Variants in BRCA1 observed in about 807,000 individuals in gnomAD.
BRCA1 encodes the protein BRCA1 DNA repair associated, also known as breast cancer type 1 susceptibility protein.
BRCA1 carries 140 observed loss-of-function variants against 173.7 expected under a neutral mutation model. The ratio of observed to expected loss-of-function variants is 0.81; its 90% CI spans 0.70 to 0.93. The LOEUF is 0.93. BRCA1 is among the 40% of genes least tolerant of loss of function. The pLI, the probability that BRCA1 is intolerant of heterozygous loss-of-function variation, is 0.00. For missense variants in BRCA1, 1,983 were observed against 2,172.5 expected (o/e 0.91, Z 1.73); for synonymous variants, 662 against 756.0 (o/e 0.88, Z 2.04).
chr17:43,161,452 T>G (rs1246357979), intron 1 of BRCA1: 1 of 152,124 alleles, frequency 6.6e-6, no homozygotes, highest in East Asian at 1.9e-4. Flanking sequence ...TTATGGACAG[T>G]AGGAAGAAAG....
Position 43,049,234 on chromosome 17 carries a change from T to G in BRCA1, c.5333-40A>C, listed in dbSNP as rs369978584. On this transcript the variant is annotated intron_variant, in intron 20 of 22. Transcript: ENST00000357654. ...TAGATGTAAAATCACTGCAGTAATC[T>G]GCATACTTAACCCAGGCCCTCTACC... is the stretch of plus-strand genomic sequence containing the variant. The G allele has an allele frequency of 4.4e-6, 7 of 1,585,600 alleles. No individual in the cohort carries two copies. Among genetic ancestry groups the G allele is most frequent in the Non-Finnish European group, 5.2e-6 (6 of 1,154,432 alleles).
chr17:43,098,714 G>C (rs2054240690), intron 7 of BRCA1, among the ~76,000 whole-genome samples: 2 of 151,218 alleles, frequency 1.3e-5, no homozygotes, highest in Admixed American at 1.3e-4. Context: ...CCCTATGTTG[G>C]CCAGGCTGGT....
rs397509284 is a variant in BRCA1, at chr17:43,047,665, C to A, written c.5445G>T (p.Trp1815Cys). ...TACCATGGAAGCCATTGTCCTCTGT[C>A]CAGGCATCTGGCTGCACAACCACAA... ...HPIVVVQPDA[W>C]TEDNGFHAIG... is the part of the protein sequence containing the mutation. The change falls in exon 22 of 23, where the codon TGG becomes TGT. Residue 1815 changes from tryptophan to cysteine, a missense_variant. Coordinates refer to ENST00000357654, the MANE Select transcript of BRCA1 (RefSeq NM_007294.4). The A allele has an allele frequency of 6.2e-7, 1 of 1,614,190 alleles. No homozygotes were observed. The highest frequency in any genetic ancestry group is 8.5e-7 in the Non-Finnish European group (1 of 1,180,038).
intron 12 of BRCA1, among the ~76,000 whole-genome samples, chr17:43,081,847 T>C (rs1409650974): frequency 6.6e-6 from 1 of 152,214 alleles, no homozygotes; most frequent in Non-Finnish European, 1.5e-5. Context: ...AACTGTAACA[T>C]TGCTATAAAG....
chr17:43,045,257 C>T lies in BRCA1; in HGVS notation c.*421G>A. On this transcript the variant is annotated 3_prime_UTR_variant, in exon 23 of 23. Coordinates refer to ENST00000357654, the MANE Select transcript of BRCA1 (RefSeq NM_007294.4). ...TCCATTGAAGGGTCTGACTCTCTGC[C>T]TTTGTGAACACAGGGTTTTAGAGAA... 1.8e-6 allele frequency: 1 copy of T among 542,006 alleles called. No individual in the cohort carries two copies. 33.6% of individuals were successfully genotyped at this position (542,006 alleles called of 1,614,324 possible). A position where few individuals can be genotyped will look rare whatever the true frequency, so the allele number is the denominator to read the frequency against.
chr17:43,078,935 C>T, intron 12 of BRCA1, among the ~76,000 whole-genome samples: 1 of 152,218 alleles, frequency 6.6e-6, no homozygotes, highest in East Asian at 1.9e-4. Context: ...TGATGTGGCT[C>T]ACGCCTACAA....
intron 1 of BRCA1, chr17:43,131,265 G>A: frequency 7.7e-6 from 3 of 389,856 alleles, no homozygotes; most frequent in South Asian, 4.1e-5. Flanking sequence ...TGAGGAAGAT[G>A]AAGAGGTAAA....
At chr17:43,163,118 T>C (rs1406850805) in intron 1 of BRCA1, 3 of 152,252 alleles carry the variant, frequency 2.0e-5, no homozygotes, top group African/African-American at 4.8e-5. Flanking sequence ...GGCCTTTATA[T>C]TCAGGTTTTC....
Position 43,124,007 on chromosome 17 carries a change from G to T in BRCA1, c.80+10C>A. On this transcript the variant is annotated intron_variant, in intron 2 of 22. Transcript: ENST00000357654. ...GAATCCCAAATTAATACACTCTTGTGCTGACTTACCAGATGGGACACTCTA... is the reference window on the plus strand; with the variant it reads ...GAATCCCAAATTAATACACTCTTGTTCTGACTTACCAGATGGGACACTCTA... 1 of 1,601,816 alleles carries T rather than the reference G, an allele frequency of 6.2e-7. No homozygotes were observed. Among genetic ancestry groups the T allele is most frequent in the Non-Finnish European group, 8.6e-7 (1 of 1,168,896 alleles).
chr17:43,145,332 T>TCTTTC (rs201539465), intron 1 of BRCA1: 8 of 429,360 alleles, frequency 1.9e-5, no homozygotes, highest in South Asian at 8.6e-5. Flanking sequence ...TTTCTTTCTT[T>TCTTTC]TTTTTTTTTT....
intron 4 of BRCA1, among the ~76,000 whole-genome samples, chr17:43,105,394 C>T (rs1208255039): frequency 1.3e-5 from 2 of 152,094 alleles, no homozygotes; most frequent in East Asian, 1.9e-4. Context: ...CATATGCCAC[C>T]ATGTACATTT....
In BRCA1 at chr17:43,100,544, A is replaced by ATG. The variant is rs66463208; in HGVS notation, c.442-666_442-665dup. Among the ~76,000 whole-genome samples the ATG allele has an allele frequency of 1.6e-3, 149 of 93,638 alleles. 9 individuals carry two copies. The East Asian group carries it at 0.026, about 16-fold the overall frequency. The allele number at this position is 93,638 out of a possible 152,430, so 61.4% of individuals were successfully genotyped here. A position where few individuals can be genotyped will look rare whatever the true frequency, so the allele number is the denominator to read the frequency against. On this transcript the variant is annotated intron_variant, in intron 6 of 22. Transcript: ENST00000357654. ...TGTGTGTATATATATATACATATATATGTGTGTGTGTGTGTATATATATAT... is the reference window on the plus strand; with the variant it reads ...TGTGTGTATATATATATACATATATATGTGTGTGTGTGTGTGTATATATATAT...
chr17:43,112,809 GT>G (rs1255460785), intron 3 of BRCA1, among the ~76,000 whole-genome samples: 95 of 132,954 alleles, frequency 7.1e-4, no homozygotes, highest in Admixed American at 4.5e-4. Flanking sequence ...GTTTTTTGTT[GT>G]TTTTTTTTTT....
At chr17:43,125,367 G>A (rs548750620), upstream of BRCA1, 19 of 415,654 alleles carry the variant, frequency 4.6e-5, no homozygotes, top group Admixed American at 1.7e-4. Context: ...GTCTCAGCGA[G>A]CTCACGCCGC....
At chr17:43,125,803 T>C (rs1316330619), upstream of BRCA1, 1 of 153,264 alleles carries the variant, frequency 6.5e-6, no homozygotes, top group African/African-American at 2.4e-5. Flanking sequence ...GTTGGGGGGG[T>C]GGAGGGAAAT....
intron 1 of BRCA1, among the ~76,000 whole-genome samples, chr17:43,169,655 C>A (rs2154581799): frequency 6.6e-6 from 1 of 151,966 alleles, no homozygotes; most frequent in Non-Finnish European, 1.5e-5. Flanking sequence ...CCCCGCCCCT[C>A]GCATAAGAAT....
intron 1 of BRCA1, chr17:43,140,178 G>A: frequency 6.6e-6 from 2 of 301,530 alleles, no homozygotes; most frequent in Non-Finnish European, 1.3e-5. Flanking sequence ...ATGGAGAGCT[G>A]CTGGGTTGGC....
chr17:43,164,228 G>A (rs1429448338), intron 1 of BRCA1: 1 of 152,134 alleles, frequency 6.6e-6, no homozygotes, highest in Non-Finnish European at 1.5e-5. Flanking sequence ...AAACTGGTTG[G>A]GGCAGTCCAT....
rs1288796003 is a variant in BRCA1 at position 43,093,172 on chromosome 17, C to G, written c.2359G>C (p.Glu787Gln). Residue 787 changes from glutamate (E) to glutamine (Q), a missense_variant, in exon 10 of 23, where the codon GAA becomes CAA. Coordinates refer to ENST00000357654, the MANE Select transcript of BRCA1 (RefSeq NM_007294.4). ...YGTQESISLLEVSTLGKAKTE... is the reference protein window; with the variant it reads ...YGTQESISLLQVSTLGKAKTE... ...TTTGCCTTCCCTAGAGTGCTAACTT[C>G]CAGTAACGAGATACTTTCCTGAGTG... The G allele has an allele frequency of 6.2e-7, 1 of 1,613,784 alleles. No homozygotes were observed. Among genetic ancestry groups the G allele is most frequent in the Non-Finnish European group, 8.5e-7 (1 of 1,179,904 alleles).
Sources: gnomAD v4.1 joint callset for allele counts (sites outside exome capture counted in the v4.1 genomes callset) on GRCh38, gnomAD v4.1.1 for gene constraint, MANE v1.5 for transcripts, NCBI Gene and HGNC (gene_info 2026-07-23, HGNC 2026-07-21) for gene names.